The following PAG1 variants were observed in gnomAD, a reference collection of about 807,000 sequenced individuals.
PAG1 encodes phosphoprotein associated with glycosphingolipid-enriched microdomains 1.
In PAG1, 23 loss-of-function variants were observed where a neutral mutation model predicts 31.7. The ratio of observed to expected loss-of-function variants is 0.73; its 90% CI spans 0.52 to 1.03. The LOEUF is 1.03. PAG1 is among the 50% of genes least tolerant of loss of function. The pLI is 0.00. For missense variants in PAG1, 473 were observed against 540.7 expected (o/e 0.87, Z 1.24); for synonymous variants, 214 against 210.3 (o/e 1.02, Z -0.15).
chr8:81,029,291 G>A (rs979883765), intron 3 of PAG1, among the ~76,000 whole-genome samples: 8 of 152,084 alleles, frequency 5.3e-5, no homozygotes, highest in African/African-American at 1.2e-4. Context: ...CAAAGAAAGC[G>A]CCTAGAGTTA....
chr8:80,993,517 C>T (rs908641038), intron 3 of PAG1, among the ~76,000 whole-genome samples: 18 of 151,896 alleles, frequency 1.2e-4, no homozygotes, highest in Non-Finnish European at 1.5e-5. Flanking sequence ...AAAACGAAAG[C>T]GGGAACATAC....
chr8:81,016,227 C>T (rs1302994512), intron 3 of PAG1, among the ~76,000 whole-genome samples: 9 of 152,130 alleles, frequency 5.9e-5, no homozygotes, highest in Non-Finnish European at 8.8e-5. Flanking sequence ...GTTTTTAAGC[C>T]GTTAAGTCAT....
At chr8:81,086,484 G>T (rs1217300716) in intron 1 of PAG1, among the ~76,000 whole-genome samples, 1 of 151,940 alleles carries the variant, frequency 6.6e-6, no homozygotes, top group Non-Finnish European at 1.5e-5. Flanking sequence ...AGGGAAGAAG[G>T]CAAGAAATGT....
At chr8:80,976,951 C>A (rs1036545735) in intron 8 of PAG1, 45 bp from the exon 9 acceptor site, 2 of 1,544,234 alleles carry the variant, frequency 1.3e-6, no homozygotes, top group African/African-American at 1.4e-5. Context: ...GCTGTGACTT[C>A]CCCCTCCCTC....
intron 3 of PAG1, among the ~76,000 whole-genome samples, chr8:81,021,638 T>C (rs1420406545): frequency 6.6e-6 from 1 of 151,534 alleles, no homozygotes; most frequent in Non-Finnish European, 1.5e-5. Context: ...ATCCTACAAA[T>C]TACAATTCTC....
chr8:81,037,530 A>C (rs1036298131), intron 2 of PAG1, among the ~76,000 whole-genome samples: 1 of 152,246 alleles, frequency 6.6e-6, no homozygotes, highest in Non-Finnish European at 1.5e-5. Flanking sequence ...AGAATAGAAT[A>C]GTTTATAATG....
chr8:81,083,571 T>C (rs995448622), intron 1 of PAG1, among the ~76,000 whole-genome samples: 2 of 152,162 alleles, frequency 1.3e-5, no homozygotes, highest in African/African-American at 4.8e-5. Context: ...CATTTTTTTT[T>C]CTGTGGGGCT....
At position 80,976,998 on chromosome 8, in the gene PAG1, T is replaced by C. The variant is rs924294555; in HGVS notation, c.937-92A>G. 4 of 1,157,270 alleles carry C rather than the reference T, an allele frequency of 3.5e-6. No individual in the cohort carries two copies. In the East Asian group the frequency reaches 9.4e-5, roughly 27 times the overall value. The allele number at this position is 1,157,270 out of a possible 1,614,324, so 71.7% of individuals were successfully genotyped here. A position where few individuals can be genotyped will look rare whatever the true frequency, so the allele number is the denominator to read the frequency against. On this transcript the variant is annotated intron_variant, in intron 8 of 8. Coordinates refer to ENST00000220597, the MANE Select transcript of PAG1 (RefSeq NM_018440.4). ...AAGCTACATACTGAGCACTCCTGGG[T>C]TTCTGTGTGTGTACTCCTTAAAGAT...
intron 3 of PAG1, among the ~76,000 whole-genome samples, chr8:80,998,461 A>G (rs1334298001): frequency 6.6e-6 from 1 of 152,180 alleles, no homozygotes; most frequent in African/African-American, 2.4e-5. Flanking sequence ...AGGTGGCAGC[A>G]TAATTCTGTT....
intron 7 of PAG1, among the ~76,000 whole-genome samples, chr8:80,981,147 C>T (rs1222686536): frequency 1.3e-5 from 2 of 152,048 alleles, no homozygotes; most frequent in Non-Finnish European, 2.9e-5. Context: ...CCGGCCTCAG[C>T]ACCCTCATGG....
In PAG1 at chr8:80,984,694, T is replaced by A. The variant is rs2130418736; in HGVS notation, c.876+82A>T. The A allele has an allele frequency of 6.8e-6, 9 of 1,316,354 alleles. No individual in the cohort carries two copies. In the South Asian group the frequency reaches 1.3e-4, roughly 19 times the overall value. 81.5% of individuals were successfully genotyped at this position (1,316,354 alleles called of 1,614,324 possible). A position where few individuals can be genotyped will look rare whatever the true frequency, so the allele number is the denominator to read the frequency against. Reference sequence around the variant, plus strand: ...CAAACTGGAAAGTGTTTGCAGATATTTCCCAGAACAACTCCAGGGCCAGCT... The same window carrying A: ...CAAACTGGAAAGTGTTTGCAGATATATCCCAGAACAACTCCAGGGCCAGCT... On this transcript the variant is annotated intron_variant, in intron 7 of 8. Transcript: ENST00000220597.
intron 7 of PAG1, among the ~76,000 whole-genome samples, chr8:80,980,829 T>C (rs966024210): frequency 6.6e-6 from 1 of 152,238 alleles, no homozygotes; most frequent in African/African-American, 2.4e-5. Flanking sequence ...TTTAAAAACA[T>C]GGTGTTTCTT....
At chr8:81,099,584 C>T (rs546239098) in intron 1 of PAG1, among the ~76,000 whole-genome samples, 1 of 152,268 alleles carries the variant, frequency 6.6e-6, no homozygotes, top group South Asian at 2.1e-4. Context: ...ATAGAAACTA[C>T]ATTTTTATTG....
At chr8:81,092,213 G>T (rs1323301314) in intron 1 of PAG1, among the ~76,000 whole-genome samples, 128 of 130,756 alleles carry the variant, frequency 9.8e-4, no homozygotes, top group African/African-American at 2.5e-3. Context: ...AAAAAAAAAA[G>T]GAAAAGAAAA....
At chr8:81,048,719 AT>A (rs1808679954) in intron 2 of PAG1, among the ~76,000 whole-genome samples, 1 of 152,194 alleles carries the variant, frequency 6.6e-6, no homozygotes, top group South Asian at 2.1e-4. Flanking sequence ...TATGATTTAC[AT>A]CAACGACGCT....
At position 81,091,548 on chromosome 8, in the gene PAG1, T is replaced by C. The variant is rs186739238; in HGVS notation, c.-234+20043A>G. The stretch of plus-strand genomic sequence containing the variant: ...TCCTAGGCTACAAACCTGTACAGCA[T>C]GTTACTGTACTGAATACTGTAAGGC... On this transcript the variant is annotated intron_variant, in intron 1 of 8. Coordinates refer to ENST00000220597, the MANE Select transcript of PAG1 (RefSeq NM_018440.4). Among the ~76,000 whole-genome samples the C allele has an allele frequency of 5.3e-5, 8 of 152,306 alleles. No individual in the cohort carries two copies. In the East Asian group the frequency reaches 1.5e-3, roughly 29 times the overall value.
chr8:81,086,655 A>G (rs1447500243), intron 1 of PAG1, among the ~76,000 whole-genome samples: 1 of 152,192 alleles, frequency 6.6e-6, no homozygotes, highest in Non-Finnish European at 1.5e-5. Context: ...CAAACAAAAA[A>G]CAGGCAAAAG....
At chr8:81,064,029 A>T (rs1043093755) in intron 2 of PAG1, among the ~76,000 whole-genome samples, 4 of 147,334 alleles carry the variant, frequency 2.7e-5, no homozygotes, top group Admixed American at 2.6e-4. Context: ...GAGATCTCAG[A>T]GCATTCCTGG....
chr8:80,980,493 C>T lies in PAG1; in HGVS notation c.878G>A (p.Arg293Lys), dbSNP rs1391997753. 1 of 1,595,558 alleles carries T rather than the reference C, an allele frequency of 6.3e-7. No individual in the cohort carries two copies. Among genetic ancestry groups the T allele is most frequent in the Non-Finnish European group, 8.6e-7 (1 of 1,163,376 alleles). Residue 293 changes from arginine to lysine, a missense_variant and splice_region_variant, in exon 8 of 9, where the codon AGA becomes AAA. Physicochemically the swap from Arg to Lys is conservative, Grantham distance 26. Transcript: ENST00000220597. The part of the protein sequence containing the change: ...ATDTTSETNK[R>K]FSSLSYKSRE... ...AGACTTGTATGACAATGAGCTAAAT[C>T]TCTGTCAGAACAAACACAAGCCAAG...
Sources: gnomAD v4.1 joint callset for allele counts (sites outside exome capture counted in the v4.1 genomes callset) on GRCh38, gnomAD v4.1.1 for gene constraint, MANE v1.5 for transcripts, NCBI Gene and HGNC (gene_info 2026-07-23, HGNC 2026-07-21) for gene names.